Variants in AKAP5 observed in about 807,000 individuals in gnomAD.
AKAP5 encodes the protein A-kinase anchor protein 5.
Under a neutral mutation model 13.8 loss-of-function variants are expected in AKAP5, and 5 were observed. The observed-to-expected ratio is 0.36, with a 90% confidence interval of 0.19 to 0.76. AKAP5 has a LOEUF of 0.76. Ranked by LOEUF, AKAP5 falls within the 30% of genes least tolerant of loss-of-function variation. The pLI is 0.51. For synonymous variants in AKAP5, 148 were observed against 167.2 expected (o/e 0.89, Z 0.89); for missense variants, 406 against 484.4 (o/e 0.84, Z 1.52).
Position 64,469,043 on chromosome 14 carries a change from G to C in AKAP5, c.649G>C (p.Asp217His), listed in dbSNP as rs768808033. ...AGTGATTTCAGTAGAACTTGGATTA[G>C]ATAATGGGCATTCTGCTATTCAAAC... ...EKVISVELGLDNGHSAIQTGT... is the reference protein window; with the variant it reads ...EKVISVELGLHNGHSAIQTGT... Residue 217 changes from aspartate to histidine, a missense_variant, in exon 2 of 2, where the codon GAT (aspartate) becomes CAT (histidine). By Grantham distance (81) the Asp-to-His change is moderately conservative. Transcript: ENST00000394718. 2 of 1,614,166 alleles carry C rather than the reference G, an allele frequency of 1.2e-6. No homozygotes were observed. The highest frequency in any genetic ancestry group is 4.5e-5 in the East Asian group (2 of 44,882).
Position 64,473,754 on chromosome 14 carries a change from T to G in AKAP5, c.*4076T>G, listed in dbSNP as rs2078696467. 2 of 167,018 alleles carry G rather than the reference T, an allele frequency of 1.2e-5. No homozygotes were observed. The highest frequency in any genetic ancestry group is 1.3e-4 in the Admixed American group (2 of 15,278). The allele number at this position is 167,018 out of a possible 1,614,324, so 10.3% of individuals were successfully genotyped here. A position where few individuals can be genotyped will look rare whatever the true frequency, so the allele number is the denominator to read the frequency against. On this transcript the variant is annotated 3_prime_UTR_variant, in exon 2 of 2. Coordinates refer to ENST00000394718, the MANE Select transcript of AKAP5 (RefSeq NM_004857.3). ...CATCTGATAATATAGCAGGATTTGA[T>G]TTTTCTGCCTGCCATTTGTGCATTT...
chr14:64,473,115 A>T lies in AKAP5; in HGVS notation c.*3437A>T, dbSNP rs1340820900. The T allele has an allele frequency of 6.0e-6, 1 of 167,064 alleles. No homozygotes were observed. The highest frequency in any genetic ancestry group is 2.4e-5 in the African/African-American group (1 of 41,446). The allele number at this position is 167,064 out of a possible 1,614,324, so 10.3% of individuals were successfully genotyped here. A position where few individuals can be genotyped will look rare whatever the true frequency, so the allele number is the denominator to read the frequency against. ...TCACTTTGCTTCTTACAACCCAGAG[A>T]ATGTGAAAATTCTCCTCTATTTTAT... On this transcript the variant is annotated 3_prime_UTR_variant, in exon 2 of 2. Transcript: ENST00000394718.
In AKAP5 at chr14:64,471,430, G is replaced by C. The variant is rs1232642452; in HGVS notation, c.*1752G>C. On this transcript the variant is annotated 3_prime_UTR_variant, in exon 2 of 2. Transcript: ENST00000394718. Reference sequence around the variant, plus strand: ...GCCTCCTAAAGTGCTGGGATTACAGGCATGAGCCACCGCACCCGGCCTTCA... The same window carrying C: ...GCCTCCTAAAGTGCTGGGATTACAGCCATGAGCCACCGCACCCGGCCTTCA... 1.2e-5 allele frequency: 2 copies of C among 166,844 alleles called. No homozygotes were observed. Among genetic ancestry groups the C allele is most frequent in the African/African-American group, 2.4e-5 (1 of 41,406 alleles). The allele number at this position is 166,844 out of a possible 1,614,324, so 10.3% of individuals were successfully genotyped here. A position where few individuals can be genotyped will look rare whatever the true frequency, so the allele number is the denominator to read the frequency against.
At position 64,465,520 on chromosome 14, in the gene AKAP5, G is replaced by A. The variant is rs925461606; in HGVS notation, c.-357G>A. ...CTCTGCAGAGGGCGCCTTGCTCCGG[G>A]TGCGACCGCGGCTCCCTGGAGGCCT... On this transcript the variant is annotated 5_prime_UTR_variant, in exon 1 of 2. The change creates a new upstream start codon in the 5' untranslated region. Transcript: ENST00000394718. The A allele has an allele frequency of 2.0e-5, 3 of 152,084 alleles. No homozygotes were observed. Among genetic ancestry groups the A allele is most frequent in the African/African-American group, 7.2e-5 (3 of 41,438 alleles). The allele number at this position is 152,084 out of a possible 1,614,324, so 9.4% of individuals were successfully genotyped here.
rs758468319 is a variant in AKAP5 at position 64,469,579 on chromosome 14, A to T, written c.1185A>T (p.Thr395=). 69 of 1,613,726 alleles carry T rather than the reference A, an allele frequency of 4.3e-5. No individual in the cohort carries two copies. Among genetic ancestry groups the T allele is most frequent in the Non-Finnish European group, 5.7e-5 (67 of 1,179,842 alleles). Residue 395 remains threonine, a synonymous_variant, in exon 2 of 2, where the codon ACA becomes ACT. Coordinates refer to ENST00000394718, the MANE Select transcript of AKAP5 (RefSeq NM_004857.3). ...SEQYETLLIE[T]ASSLVKNAIQ... Reference sequence around the variant, plus strand: ...AATATGAAACACTCTTAATTGAAACAGCCTCTTCTCTAGTCAAGAATGCTA... The same window carrying T: ...AATATGAAACACTCTTAATTGAAACTGCCTCTTCTCTAGTCAAGAATGCTA...
At position 64,471,955 on chromosome 14, in the gene AKAP5, T is replaced by C. The variant is rs541433478; in HGVS notation, c.*2277T>C. The C allele has an allele frequency of 2.4e-5, 4 of 166,546 alleles. No individual in the cohort carries two copies. The East Asian group carries it at 7.7e-4, about 32-fold the overall frequency. 10.3% of individuals were successfully genotyped at this position (166,546 alleles called of 1,614,324 possible). A position where few individuals can be genotyped will look rare whatever the true frequency, so the allele number is the denominator to read the frequency against. ...GGAAATTGAACCAAATCATGGATAT[T>C]ATTAGCAAGATTCTTTGCTGAAGTG... On this transcript the variant is annotated 3_prime_UTR_variant, in exon 2 of 2. Transcript: ENST00000394718.
rs915493743 is a variant in AKAP5, at chr14:64,470,177, T to A, written c.*499T>A. On this transcript the variant is annotated 3_prime_UTR_variant, in exon 2 of 2. Transcript: ENST00000394718. ...GTGAATGTGATTTGTAATTGTTACA[T>A]TCCTAAGCAGCAGGCTTAACTCAAA... 2 of 167,268 alleles carry A rather than the reference T, an allele frequency of 1.2e-5. No individual in the cohort carries two copies. Among genetic ancestry groups the A allele is most frequent in the African/African-American group, 4.8e-5 (2 of 41,460 alleles). 10.4% of individuals were successfully genotyped at this position (167,268 alleles called of 1,614,324 possible).
rs748591800 is a variant in AKAP5, at chr14:64,473,327, C to T, written c.*3649C>T. On this transcript the variant is annotated 3_prime_UTR_variant, in exon 2 of 2. Transcript: ENST00000394718. ...AAATGGAGTTGTTCAGAAAAGCTGTCTGCATAATTTTCCTTCAAGGTAATG... is the reference window on the plus strand; with the variant it reads ...AAATGGAGTTGTTCAGAAAAGCTGTTTGCATAATTTTCCTTCAAGGTAATG... 1.2e-5 allele frequency: 2 copies of T among 167,050 alleles called. No homozygotes were observed. Among genetic ancestry groups the T allele is most frequent in the Non-Finnish European group, 2.9e-5 (2 of 68,102 alleles). 10.3% of individuals were successfully genotyped at this position (167,050 alleles called of 1,614,324 possible).
rs2078698984 is a variant in AKAP5, at chr14:64,474,035, T to G, written c.*4357T>G. Reference sequence around the variant, plus strand: ...AGGCATAACTCATACCTAACACTATTTGATAAGGGAGACAGGCTCCCTGCC... The same window carrying G: ...AGGCATAACTCATACCTAACACTATGTGATAAGGGAGACAGGCTCCCTGCC... On this transcript the variant is annotated 3_prime_UTR_variant, in exon 2 of 2. Transcript: ENST00000394718. 1 of 167,096 alleles carries G rather than the reference T, an allele frequency of 6.0e-6. No individual in the cohort carries two copies. The highest frequency in any genetic ancestry group is 2.4e-5 in the African/African-American group (1 of 41,468). The allele number at this position is 167,096 out of a possible 1,614,324, so 10.4% of individuals were successfully genotyped here. A position where few individuals can be genotyped will look rare whatever the true frequency, so the allele number is the denominator to read the frequency against.
Position 64,469,285 on chromosome 14 carries a change from A to G in AKAP5, c.891A>G (p.Thr297=), listed in dbSNP as rs1211984153. Residue 297 remains threonine (T), a synonymous_variant, in exon 2 of 2, where the codon ACA becomes ACG. Transcript: ENST00000394718. ...SAPNGKDYES[T]EIVAEETKPK... ...CAAATGGAAAAGACTATGAAAGTACAGAGATTGTAGCTGAAGAAACTAAGC... is the reference window on the plus strand; with the variant it reads ...CAAATGGAAAAGACTATGAAAGTACGGAGATTGTAGCTGAAGAAACTAAGC... 5 of 1,613,480 alleles carry G rather than the reference A, an allele frequency of 3.1e-6. No individual in the cohort carries two copies. The Admixed American group carries it at 8.3e-5, about 27-fold the overall frequency.
chr14:64,472,964 T>C lies in AKAP5; in HGVS notation c.*3286T>C, dbSNP rs2078690229. ...TTTTAATGAATGTTTATTTATTTAT[T>C]AGCCAAAATTCAGTTTCTCTTTGAA... On this transcript the variant is annotated 3_prime_UTR_variant, in exon 2 of 2. Coordinates refer to ENST00000394718, the MANE Select transcript of AKAP5 (RefSeq NM_004857.3). 1.2e-5 allele frequency: 2 copies of C among 167,098 alleles called. No homozygotes were observed. The highest frequency in any genetic ancestry group is 2.9e-5 in the Non-Finnish European group (2 of 68,118). The allele number at this position is 167,098 out of a possible 1,614,324, so 10.4% of individuals were successfully genotyped here.
rs550397356 is a variant in AKAP5, at chr14:64,472,333, A to T, written c.*2655A>T. On this transcript the variant is annotated 3_prime_UTR_variant, in exon 2 of 2. Transcript: ENST00000394718. Reference sequence around the variant, plus strand: ...CCAAGCCAATACACTTGCATTGTAAATGTTTAGTAATCTCATGAACAAGCA... The same window carrying T: ...CCAAGCCAATACACTTGCATTGTAATTGTTTAGTAATCTCATGAACAAGCA... 1 of 167,176 alleles carries T rather than the reference A, an allele frequency of 6.0e-6. No individual in the cohort carries two copies. Among genetic ancestry groups the T allele is most frequent in the African/African-American group, 2.4e-5 (1 of 41,564 alleles). 10.4% of individuals were successfully genotyped at this position (167,176 alleles called of 1,614,324 possible).
chr14:64,468,785 A>C lies in AKAP5; in HGVS notation c.391A>C (p.Lys131Gln), dbSNP rs1421635557. The change falls in exon 2 of 2, where the codon AAA (lysine) becomes CAA (glutamine). Residue 131 changes from lysine (K) to glutamine (Q), a missense_variant. Transcript: ENST00000394718. The stretch of plus-strand genomic sequence containing the variant: ...ATCTAGACTTAAGATTCCCTGCATA[A>C]AATTCCCAAGAGGGCCAAAAAGGAG... Reference protein sequence around the residue: ...AKSRLKIPCIKFPRGPKRSNH... With the variant: ...AKSRLKIPCIQFPRGPKRSNH... 1.9e-6 allele frequency: 3 copies of C among 1,614,194 alleles called. No homozygotes were observed. In the South Asian group the frequency reaches 3.3e-5, roughly 18 times the overall value.
chr14:64,473,294 T>C lies in AKAP5; in HGVS notation c.*3616T>C, dbSNP rs74058135. On this transcript the variant is annotated 3_prime_UTR_variant, in exon 2 of 2. Transcript: ENST00000394718. The stretch of plus-strand genomic sequence containing the variant: ...CCTCCACCTCAAAGAATAATAAGCA[T>C]GTGGCATAAATGGAGTTGTTCAGAA... 2,389 of 167,204 alleles carry C rather than the reference T, an allele frequency of 0.014. 53 individuals are homozygous for C. Among genetic ancestry groups the C allele is most frequent in the African/African-American group, 0.053 (2,199 of 41,560 alleles). 10.4% of individuals were successfully genotyped at this position (167,204 alleles called of 1,614,324 possible). A position where few individuals can be genotyped will look rare whatever the true frequency, so the allele number is the denominator to read the frequency against.
chr14:64,469,542 G>C lies in AKAP5; in HGVS notation c.1148G>C (p.Arg383Thr), dbSNP rs1457161934. ...VFANDNGFED[R>T]TSEQYETLLI... ...GCTAATGATAATGGTTTTGAGGATA[G>C]AACTTCAGAACAATATGAAACACTC... The change falls in exon 2 of 2, where the codon AGA (arginine) becomes ACA (threonine). Residue 383 changes from arginine (R) to threonine (T), a missense_variant. Transcript: ENST00000394718. 1 of 1,613,808 alleles carries C rather than the reference G, an allele frequency of 6.2e-7. No individual in the cohort carries two copies. The highest frequency in any genetic ancestry group is 8.5e-7 in the Non-Finnish European group (1 of 1,179,964).
At chr14:64,467,969 T>C (rs753616143) in intron 1 of AKAP5, 163 bp from the exon 2 acceptor site, 2 of 153,948 alleles carry the variant, frequency 1.3e-5, no homozygotes, top group African/African-American at 4.8e-5. Flanking sequence ...CTGAACTCTT[T>C]AATAGGGCCA....
At position 64,472,647 on chromosome 14, in the gene AKAP5, G is replaced by T. The variant is rs779703546; in HGVS notation, c.*2969G>T. The stretch of plus-strand genomic sequence containing the variant: ...GATTTCAGTTAGAAAAAGGAATTCC[G>T]AAATTAACTGGTCTCAATCTGATTA... On this transcript the variant is annotated 3_prime_UTR_variant, in exon 2 of 2. Transcript: ENST00000394718. 1 of 166,930 alleles carries T rather than the reference G, an allele frequency of 6.0e-6. No individual in the cohort carries two copies. Among genetic ancestry groups the T allele is most frequent in the Admixed American group, 6.6e-5 (1 of 15,264 alleles). The allele number at this position is 166,930 out of a possible 1,614,324, so 10.3% of individuals were successfully genotyped here. A position where few individuals can be genotyped will look rare whatever the true frequency, so the allele number is the denominator to read the frequency against.
Position 64,474,051 on chromosome 14 carries a change from G to C in AKAP5, c.*4373G>C, listed in dbSNP as rs1403780882. The C allele has an allele frequency of 6.0e-6, 1 of 167,008 alleles. No homozygotes were observed. Among genetic ancestry groups the C allele is most frequent in the Non-Finnish European group, 1.5e-5 (1 of 68,104 alleles). The allele number at this position is 167,008 out of a possible 1,614,324, so 10.3% of individuals were successfully genotyped here. ...TAACACTATTTGATAAGGGAGACAG[G>C]CTCCCTGCCATCCAAGAACTCAACC... On this transcript the variant is annotated 3_prime_UTR_variant, in exon 2 of 2. Coordinates refer to ENST00000394718, the MANE Select transcript of AKAP5 (RefSeq NM_004857.3).
chr14:64,466,050 C>G (rs1216382993), intron 1 of AKAP5, among the ~76,000 whole-genome samples: 1 of 152,154 alleles, frequency 6.6e-6, no homozygotes, highest in Non-Finnish European at 1.5e-5. Flanking sequence ...ATTCCTTCCT[C>G]CAGGAGGAAG....
Sources: gnomAD v4.1 joint callset for allele counts (sites outside exome capture counted in the v4.1 genomes callset) on GRCh38, gnomAD v4.1.1 for gene constraint, MANE v1.5 for transcripts, NCBI Gene and HGNC (gene_info 2026-07-23, HGNC 2026-07-21) for gene names.